The following GRIN3A variants were observed in gnomAD, a reference collection of about 807,000 sequenced individuals.
GRIN3A encodes the protein glutamate ionotropic receptor NMDA type subunit 3A, also known as glutamate receptor ionotropic, NMDA 3A.
In GRIN3A, 47 loss-of-function variants were observed where a neutral mutation model predicts 92.4. That is an observed-to-expected ratio of 0.51 (90% CI 0.40 to 0.65). The LOEUF (loss-of-function observed/expected upper bound fraction) is 0.65, where lower values mean the gene tolerates loss of function less well. Ranked by LOEUF, GRIN3A falls within the 30% of genes least tolerant of loss-of-function variation. The probability of loss-of-function intolerance (pLI) is 0.00; values close to 1 mark genes in which losing one functional copy is unlikely to be tolerated. For missense variants in GRIN3A, 1,324 were observed against 1,393.1 expected, an observed-to-expected ratio of 0.95 and a Z score of 0.79; for synonymous variants, 527 against 540.6, an observed-to-expected ratio of 0.97 and a Z score of 0.35.
chr9:101,724,232 G>C (rs188068866), intron 1 of GRIN3A, among the ~76,000 whole-genome samples: 299 of 152,320 alleles, frequency 2.0e-3, no homozygotes, highest in African/African-American at 6.9e-3. Flanking sequence ...CTCAGGCATG[G>C]CAGGCTGCAG....
At chr9:101,660,268 A>G (rs1829156146) in intron 3 of GRIN3A, among the ~76,000 whole-genome samples, 1 of 151,842 alleles carries the variant, frequency 6.6e-6, no homozygotes, top group Non-Finnish European at 1.5e-5. Flanking sequence ...ATTTGCTTTA[A>G]TGAAAGCAAA....
intron 3 of GRIN3A, among the ~76,000 whole-genome samples, chr9:101,647,395 T>C (rs1048785968): frequency 6.6e-6 from 1 of 151,928 alleles, no homozygotes; most frequent in Non-Finnish European, 1.5e-5. Flanking sequence ...TTTGGTTTGA[T>C]AGCACTTTGT....
At chr9:101,604,186 G>A (rs1166430867) in intron 6 of GRIN3A, among the ~76,000 whole-genome samples, 12 of 151,858 alleles carry the variant, frequency 7.9e-5, no homozygotes, top group Non-Finnish European at 1.6e-4. Flanking sequence ...GAAGGAGGGA[G>A]AAAGAGAGAA....
intron 3 of GRIN3A, among the ~76,000 whole-genome samples, chr9:101,660,248 C>T (rs1195048842): frequency 6.6e-6 from 1 of 151,806 alleles, no homozygotes; most frequent in Non-Finnish European, 1.5e-5. Flanking sequence ...GCATCATGGT[C>T]TTAGGTGTTA....
At chr9:101,612,594 G>T (rs574438223) in intron 6 of GRIN3A, among the ~76,000 whole-genome samples, 1 of 152,098 alleles carries the variant, frequency 6.6e-6, no homozygotes, top group South Asian at 2.1e-4. Context: ...CTTTAGGTGG[G>T]TTTGTTTTTT....
intron 1 of GRIN3A, among the ~76,000 whole-genome samples, chr9:101,701,223 A>G (rs1829747897): frequency 6.6e-6 from 1 of 152,092 alleles, no homozygotes; most frequent in Admixed American, 6.5e-5. Context: ...TCTTTCTTTT[A>G]ACTTTTAGGT....
At chr9:101,584,581 G>A (rs1369792105) in intron 6 of GRIN3A, among the ~76,000 whole-genome samples, 2 of 152,166 alleles carry the variant, frequency 1.3e-5, no homozygotes, top group Admixed American at 1.3e-4. Context: ...CGAATTTAGG[G>A]AAACTGCTTG....
At chr9:101,622,995 A>AACAC (rs5899450) in intron 5 of GRIN3A, among the ~76,000 whole-genome samples, 1,566 of 147,436 alleles carry the variant, frequency 0.011, 23 homozygotes, top group African/African-American at 0.035. Flanking sequence ...CCTGCCACTA[A>AACAC]ACACACACAC....
At chr9:101,666,882 G>A (rs149622632) in intron 3 of GRIN3A, among the ~76,000 whole-genome samples, 2 of 152,158 alleles carry the variant, frequency 1.3e-5, no homozygotes, top group Admixed American at 6.5e-5. Flanking sequence ...AGTGACCAAA[G>A]CTATAATTTC....
At chr9:101,589,348 A>G (rs891099336) in intron 6 of GRIN3A, among the ~76,000 whole-genome samples, 7 of 152,342 alleles carry the variant, frequency 4.6e-5, no homozygotes, top group Middle Eastern at 3.4e-3. Context: ...GTCAAAGGAT[A>G]CAACTGTTCT....
At chr9:101,612,941 G>A (rs767826468) in intron 6 of GRIN3A, among the ~76,000 whole-genome samples, 4 of 152,138 alleles carry the variant, frequency 2.6e-5, no homozygotes, top group African/African-American at 4.8e-5. Context: ...CATCCACAAA[G>A]GCTTTATCTT....
chr9:101,647,428 C>G (rs537694901), intron 3 of GRIN3A, among the ~76,000 whole-genome samples: 5 of 151,706 alleles, frequency 3.3e-5, no homozygotes, highest in Non-Finnish European at 7.4e-5. Context: ...CAACTAGATT[C>G]ATCAGTGAAA....
At chr9:101,581,194 C>A (rs1460258389) in intron 6 of GRIN3A, among the ~76,000 whole-genome samples, 1 of 152,088 alleles carries the variant, frequency 6.6e-6, no homozygotes, top group African/African-American at 2.4e-5. Context: ...TGTGGGGAAG[C>A]TGGTTCATGA....
At chr9:101,608,677 T>A (rs1311635491) in intron 6 of GRIN3A, among the ~76,000 whole-genome samples, 8 of 152,154 alleles carry the variant, frequency 5.3e-5, no homozygotes, top group Admixed American at 5.2e-4. Flanking sequence ...CACAATCCTA[T>A]AAAGTATATA....
At chr9:101,699,017 T>C (rs530721976) in intron 1 of GRIN3A, among the ~76,000 whole-genome samples, 10 of 152,218 alleles carry the variant, frequency 6.6e-5, no homozygotes, top group East Asian at 1.9e-4. Context: ...AAATTAACTT[T>C]AGTTTAATGT....
intron 7 of GRIN3A, among the ~76,000 whole-genome samples, chr9:101,578,385 G>A (rs1827852339): frequency 1.3e-5 from 2 of 152,096 alleles, no homozygotes; most frequent in African/African-American, 4.8e-5. Flanking sequence ...ACCAAAGTGA[G>A]GAGTTTAGTA....
At position 101,596,196 on chromosome 9, in the gene GRIN3A, A is replaced by G. The variant is rs1011384192; in HGVS notation, c.2767-16836T>C. Among the ~76,000 whole-genome samples, 3 of 152,224 alleles carry G rather than the reference A, an allele frequency of 2.0e-5. No homozygotes were observed. In the East Asian group the frequency reaches 5.8e-4, roughly 29 times the overall value. ...GTCTAAAGATAACCATGCTGGAACT[A>G]GCAAAACTAAGCCACTGATCACCTT... On this transcript the variant is annotated intron_variant, in intron 6 of 8. Transcript: ENST00000361820.
intron 1 of GRIN3A, among the ~76,000 whole-genome samples, chr9:101,717,528 A>G (rs1028091834): frequency 3.3e-5 from 5 of 152,304 alleles, no homozygotes; most frequent in Admixed American, 2.0e-4. Context: ...GTAAAACAGG[A>G]AGTTAGGAAT....
At chr9:101,638,747 C>G (rs1828815683) in intron 3 of GRIN3A, among the ~76,000 whole-genome samples, 1 of 152,190 alleles carries the variant, frequency 6.6e-6, no homozygotes, top group South Asian at 2.1e-4. Context: ...CAAAACTGGG[C>G]AGAGCTGGTT....
Sources: allele counts gnomAD v4.1 joint callset (sites outside exome capture counted in the v4.1 genomes callset), GRCh38; gene constraint gnomAD v4.1.1; transcripts MANE v1.5; gene names NCBI Gene and HGNC (gene_info 2026-07-23, HGNC 2026-07-21).